The following PLD5 variants were observed in gnomAD, a reference collection of about 807,000 sequenced individuals.
PLD5 encodes the protein phospholipase D family member 5, also known as inactive phospholipase D5.
In PLD5, 36 loss-of-function variants were observed where a neutral mutation model predicts 61.1. The observed-to-expected ratio is 0.59, with a 90% CI of 0.45 to 0.78. The LOEUF is 0.78. Among genes scored for constraint, PLD5 ranks in the 30% least tolerant of loss-of-function variants. The pLI, the probability that PLD5 is intolerant of heterozygous loss-of-function variation, is 0.00. For missense variants in PLD5, 515 were observed against 644.4 expected (o/e 0.80, Z 2.17); for synonymous variants, 243 against 242.8 (o/e 1.00, Z -0.01).
intron 1 of PLD5, among the ~76,000 whole-genome samples, chr1:242,403,651 A>T (rs980220306): frequency 6.6e-6 from 1 of 151,048 alleles, no homozygotes; most frequent in African/African-American, 2.4e-5. Flanking sequence ...TTTTTTTTTT[A>T]GAGACAGAGT....
intron 5 of PLD5, among the ~76,000 whole-genome samples, chr1:242,216,621 A>G (rs35379419): frequency 0.28 from 42,663 of 152,086 alleles, 6,404 homozygotes; most frequent in South Asian, 0.4. Context: ...GAATAAATGC[A>G]AGCTTCGCTG....
At chr1:242,502,917 C>T (rs1355717282) in intron 1 of PLD5, among the ~76,000 whole-genome samples, 1 of 152,052 alleles carries the variant, frequency 6.6e-6, no homozygotes, top group African/African-American at 2.4e-5. Flanking sequence ...AAAAATTAGC[C>T]TGGCGTGGTG....
At chr1:242,111,434 G>C (rs1661490394) in intron 7 of PLD5, among the ~76,000 whole-genome samples, 1 of 152,056 alleles carries the variant, frequency 6.6e-6, no homozygotes, top group Non-Finnish European at 1.5e-5. Flanking sequence ...TTGAAAACTA[G>C]AAGTTATTTC....
chr1:242,377,322 T>C, intron 1 of PLD5: 4 of 1,607,152 alleles, frequency 2.5e-6, no homozygotes, highest in East Asian at 2.2e-5. Flanking sequence ...CTTAAAATCA[T>C]TGATTTTCAG....
chr1:242,322,797 C>T (rs1658504111), intron 2 of PLD5, among the ~76,000 whole-genome samples: 1 of 152,212 alleles, frequency 6.6e-6, no homozygotes, highest in Non-Finnish European at 1.5e-5. Context: ...TGAGGTCTCC[C>T]CAGCCATGCA....
intron 1 of PLD5, among the ~76,000 whole-genome samples, chr1:242,376,532 C>T (rs1661971641): frequency 1.3e-5 from 2 of 152,086 alleles, no homozygotes; most frequent in Admixed American, 1.3e-4. Flanking sequence ...TTAGTTAACC[C>T]ATTCAAAATC....
chr1:242,407,445 T>C (rs1315175879), intron 1 of PLD5, among the ~76,000 whole-genome samples: 1 of 152,202 alleles, frequency 6.6e-6, no homozygotes, highest in Non-Finnish European at 1.5e-5. Flanking sequence ...CCTATCCCTC[T>C]GACTATGCTC....
At chr1:242,379,908 G>A (rs532248798) in intron 1 of PLD5, among the ~76,000 whole-genome samples, 1 of 151,620 alleles carries the variant, frequency 6.6e-6, no homozygotes, top group South Asian at 2.1e-4. Flanking sequence ...CTTTTCTTCA[G>A]TTCTCAACAA....
intron 5 of PLD5, among the ~76,000 whole-genome samples, chr1:242,126,289 C>T (rs1276071503): frequency 6.6e-6 from 1 of 152,202 alleles, no homozygotes; most frequent in Non-Finnish European, 1.5e-5. Context: ...CACCATCATT[C>T]TTCACAGAAC....
intron 2 of PLD5, among the ~76,000 whole-genome samples, chr1:242,299,835 T>C (rs755021180): frequency 1.3e-5 from 2 of 152,236 alleles, no homozygotes; most frequent in Non-Finnish European, 2.9e-5. Context: ...CATGTATTTA[T>C]ACCCTGTAAA....
At chr1:242,124,777 T>G (rs1662656521) in intron 5 of PLD5, 112 bp from the exon 6 acceptor site, 1 of 813,588 alleles carries the variant, frequency 1.2e-6, no homozygotes, top group African/African-American at 1.7e-5. Flanking sequence ...TTTCTTGCAT[T>G]TGAAGTAAGT....
chr1:242,109,527 G>A (rs983888344), intron 7 of PLD5, among the ~76,000 whole-genome samples: 11 of 152,158 alleles, frequency 7.2e-5, no homozygotes, highest in Admixed American at 5.9e-4. Context: ...TAAAGTGGAA[G>A]CTCCACAAAG....
intron 1 of PLD5, among the ~76,000 whole-genome samples, chr1:242,408,864 C>G (rs766528190): frequency 6.6e-6 from 1 of 152,042 alleles, no homozygotes; most frequent in East Asian, 1.9e-4. Flanking sequence ...GTCAGGAGTT[C>G]GAGACCAGCC....
intron 1 of PLD5, among the ~76,000 whole-genome samples, chr1:242,356,242 C>T (rs1440878408): frequency 6.6e-6 from 1 of 152,032 alleles, no homozygotes; most frequent in Non-Finnish European, 1.5e-5. Flanking sequence ...TTTATAGATT[C>T]AGGTGCTACA....
intron 5 of PLD5, among the ~76,000 whole-genome samples, chr1:242,198,701 C>CAAAAAA (rs10603005): frequency 1.5e-3 from 79 of 51,298 alleles, no homozygotes; most frequent in Non-Finnish European, 2.2e-3. Flanking sequence ...AAGTCCTTAG[C>CAAAAAA]AAAAAAAAAA....
At chr1:242,325,008 T>C (rs1658659579) in intron 2 of PLD5, among the ~76,000 whole-genome samples, 1 of 152,192 alleles carries the variant, frequency 6.6e-6, no homozygotes. Flanking sequence ...ATAGCAAAAC[T>C]CTGGTCTCCT....
At chr1:242,435,138 G>C (rs894005816) in intron 1 of PLD5, among the ~76,000 whole-genome samples, 5 of 152,054 alleles carry the variant, frequency 3.3e-5, no homozygotes, top group Admixed American at 3.3e-4. Context: ...ACACAGTACA[G>C]TTAGTCAATC....
chr1:242,129,713 AGTG>A (rs1301154002), intron 5 of PLD5, among the ~76,000 whole-genome samples: 1 of 152,186 alleles, frequency 6.6e-6, no homozygotes, highest in Non-Finnish European at 1.5e-5. Flanking sequence ...TCAGTGGTGA[AGTG>A]GGGACTTTTA....
intron 1 of PLD5, among the ~76,000 whole-genome samples, chr1:242,387,715 T>C (rs1193887486): frequency 7.0e-6 from 1 of 142,930 alleles, no homozygotes; most frequent in Admixed American, 6.9e-5. Context: ...TTTTATCTAT[T>C]TTATATAAAA....
Sources: allele counts gnomAD v4.1 joint callset (sites outside exome capture counted in the v4.1 genomes callset), GRCh38; gene constraint gnomAD v4.1.1; transcripts MANE v1.5; gene names NCBI Gene and HGNC (gene_info 2026-07-23, HGNC 2026-07-21).